The following NEGR1 variants were observed in gnomAD, a reference collection of about 807,000 sequenced individuals.
The protein encoded by NEGR1 is IgLON family member 4.
In NEGR1, 10 loss-of-function variants were observed where a neutral mutation model predicts 40.9. The observed-to-expected ratio is 0.24, with a 90% CI of 0.15 to 0.42. The LOEUF is 0.42. Ranked by LOEUF, NEGR1 falls within the 10% of genes least tolerant of loss-of-function variation. The pLI is 1.00. For missense variants in NEGR1, 352 were observed against 438.9 expected (o/e 0.80, Z 1.77); for synonymous variants, 185 against 166.8 (o/e 1.11, Z -0.84).
chr1:72,184,705 T>C (rs1490197006), intron 1 of NEGR1, among the ~76,000 whole-genome samples: 1 of 152,088 alleles, frequency 6.6e-6, no homozygotes, highest in Non-Finnish European at 1.5e-5. Flanking sequence ...GTTTGGTTGA[T>C]ACTTATGAAC....
At chr1:71,494,837 T>C (rs984136559) in intron 6 of NEGR1, among the ~76,000 whole-genome samples, 2 of 152,086 alleles carry the variant, frequency 1.3e-5, no homozygotes, top group Non-Finnish European at 2.9e-5. Flanking sequence ...CTGTTCACCC[T>C]TGAACAGTGT....
chr1:71,904,450 T>A (rs956288241), intron 2 of NEGR1, among the ~76,000 whole-genome samples: 8 of 152,112 alleles, frequency 5.3e-5, no homozygotes, highest in Non-Finnish European at 1.5e-5. Flanking sequence ...ATTTCCATAG[T>A]AGAGACAGAA....
intron 4 of NEGR1, among the ~76,000 whole-genome samples, chr1:71,616,860 G>T (rs1650461191): frequency 6.6e-6 from 1 of 152,136 alleles, no homozygotes; most frequent in Non-Finnish European, 1.5e-5. Context: ...GCCAACAAAA[G>T]AAAGCTGCAT....
At chr1:72,009,811 A>T (rs1454299006) in intron 1 of NEGR1, among the ~76,000 whole-genome samples, 1 of 152,104 alleles carries the variant, frequency 6.6e-6, no homozygotes, top group African/African-American at 2.4e-5. Flanking sequence ...TATTATGGAT[A>T]TTTATGTTCT....
chr1:71,454,782 T>C (rs1646659298), intron 6 of NEGR1, among the ~76,000 whole-genome samples: 1 of 152,224 alleles, frequency 6.6e-6, no homozygotes, highest in Admixed American at 6.5e-5. Context: ...TGCCTACCTA[T>C]ACCACAGATT....
intron 1 of NEGR1, among the ~76,000 whole-genome samples, chr1:72,177,036 TAAAGAA>T (rs1652192340): frequency 6.6e-6 from 1 of 152,084 alleles, no homozygotes; most frequent in Admixed American, 6.6e-5. Context: ...ATGGAATGAC[TAAAGAA>T]ATAATTATAT....
intron 2 of NEGR1, among the ~76,000 whole-genome samples, chr1:71,838,668 T>G (rs2101799788): frequency 6.6e-6 from 1 of 152,258 alleles, no homozygotes; most frequent in African/African-American, 2.4e-5. Flanking sequence ...TCTACTCTGT[T>G]AAACATCTTC....
chr1:71,771,400 A>C (rs1570323928), intron 3 of NEGR1, among the ~76,000 whole-genome samples: 1 of 152,098 alleles, frequency 6.6e-6, no homozygotes. Context: ...ATACCTATGT[A>C]ACAAAACTGC....
intron 2 of NEGR1, among the ~76,000 whole-genome samples, chr1:71,802,676 T>G (rs908108439): frequency 6.6e-6 from 1 of 152,188 alleles, no homozygotes; most frequent in African/African-American, 2.4e-5. Context: ...GGAGTATTCT[T>G]AAGCCTTAAG....
intron 3 of NEGR1, among the ~76,000 whole-genome samples, chr1:71,775,183 T>A (rs1051440182): frequency 1.3e-5 from 2 of 152,160 alleles, no homozygotes; most frequent in African/African-American, 2.4e-5. Flanking sequence ...ATCAAATAAA[T>A]CTCTTACATA....
At chr1:71,929,070 A>C (rs1645829749) in intron 2 of NEGR1, among the ~76,000 whole-genome samples, 1 of 152,206 alleles carries the variant, frequency 6.6e-6, no homozygotes, top group Non-Finnish European at 1.5e-5. Context: ...AGCAAATAAT[A>C]AGCATTTTCT....
chr1:72,248,563 C>CTAT (rs1654977802), intron 1 of NEGR1, among the ~76,000 whole-genome samples: 1 of 120,844 alleles, frequency 8.3e-6, no homozygotes, highest in South Asian at 2.7e-4. Flanking sequence ...CAGCCTGAGA[C>CTAT]TTCTATTTTT....
At chr1:71,533,262 A>G (rs1569996000) in intron 6 of NEGR1, among the ~76,000 whole-genome samples, 1 of 151,774 alleles carries the variant, frequency 6.6e-6, no homozygotes, top group South Asian at 2.1e-4. Context: ...ATTAAAACCT[A>G]CATGTAGAAT....
At chr1:72,188,745 A>G (rs1450043775) in intron 1 of NEGR1, among the ~76,000 whole-genome samples, 1 of 148,602 alleles carries the variant, frequency 6.7e-6, no homozygotes, top group African/African-American at 2.5e-5. Flanking sequence ...TTTAGATTTA[A>G]AAACAATTCC....
chr1:72,059,409 A>G (rs1484309958), intron 1 of NEGR1, among the ~76,000 whole-genome samples: 1 of 151,556 alleles, frequency 6.6e-6, no homozygotes, highest in African/African-American at 2.4e-5. Context: ...TGGGGAGTGC[A>G]AAGTTCCTTT....
At chr1:72,110,374 T>G (rs1649313605) in intron 1 of NEGR1, among the ~76,000 whole-genome samples, 1 of 151,506 alleles carries the variant, frequency 6.6e-6, no homozygotes, top group Non-Finnish European at 1.5e-5. Context: ...GTCACTAAAG[T>G]GAATGCACTT....
At chr1:71,777,151 A>T (rs1212309521) in intron 2 of NEGR1, among the ~76,000 whole-genome samples, 1 of 152,146 alleles carries the variant, frequency 6.6e-6, no homozygotes, top group Non-Finnish European at 1.5e-5. Context: ...TGAGAAACCA[A>T]ATGTCTCATT....
intron 2 of NEGR1, among the ~76,000 whole-genome samples, chr1:71,834,909 A>ACACACACACACACAC (rs1553168608): frequency 3.3e-5 from 5 of 151,852 alleles, no homozygotes; most frequent in Admixed American, 1.3e-4. Context: ...ACACACACAC[A>ACACACACACACACAC]GCAGTTATCT....
chr1:71,735,761 AT>A (rs1655024089), intron 3 of NEGR1, among the ~76,000 whole-genome samples: 1 of 152,106 alleles, frequency 6.6e-6, no homozygotes, highest in African/African-American at 2.4e-5. Flanking sequence ...GGTATTTCAG[AT>A]ATTCCATTCT....
Sources: allele counts gnomAD v4.1 joint callset (sites outside exome capture counted in the v4.1 genomes callset), GRCh38; gene constraint gnomAD v4.1.1; transcripts MANE v1.5; gene names NCBI Gene and HGNC (gene_info 2026-07-23, HGNC 2026-07-21).